LRRCC1: variants seen among roughly 807,000 people sequenced by gnomAD.
LRRCC1 encodes the protein leucine-rich repeat and coiled-coil domain-containing protein 1.
A neutral mutation model predicts 126.0 loss-of-function variants in LRRCC1; 115 were observed. The observed-to-expected ratio is 0.91, with a 90% CI of 0.78 to 1.07. LRRCC1 has a LOEUF of 1.07. Ranked by LOEUF, LRRCC1 falls within the 50% of genes least tolerant of loss-of-function variation. The pLI, the probability that LRRCC1 is intolerant of heterozygous loss-of-function variation, is 0.00. For synonymous variants in LRRCC1, 400 were observed against 393.4 expected, an observed-to-expected ratio of 1.02 and a Z score of -0.20; for missense variants, 1,172 against 1,175.7, an observed-to-expected ratio of 1.00 and a Z score of 0.05.
intron 18 of LRRCC1, 111 bp from the exon 19 acceptor site, chr8:85,145,278 C>A: frequency 1.2e-6 from 1 of 801,068 alleles, no homozygotes; most frequent in Non-Finnish European, 1.9e-6. Flanking sequence ...TTAAATACAT[C>A]ACAAATTTCA....
chr8:85,136,002 C>A (rs543659476), intron 14 of LRRCC1, 39 bp downstream of exon 14: 2 of 1,458,498 alleles, frequency 1.4e-6, no homozygotes, highest in African/African-American at 1.4e-5. Context: ...ATAGCTTATT[C>A]TTATAAATGA....
intron 12 of LRRCC1, among the ~76,000 whole-genome samples, chr8:85,133,277 G>A (rs1810618106): frequency 6.6e-6 from 1 of 152,108 alleles, no homozygotes; most frequent in Admixed American, 6.5e-5. Flanking sequence ...TCTTTGCTTG[G>A]TTTCCAGCAC....
intron 8 of LRRCC1, 138 bp from the exon 9 acceptor site, chr8:85,126,551 C>CA: frequency 2.7e-6 from 2 of 733,114 alleles, no homozygotes; most frequent in Non-Finnish European, 4.3e-6. Flanking sequence ...GAGTGAGACT[C>CA]AAAAAAATAA....
chr8:85,136,153 T>C (rs1587435658), intron 14 of LRRCC1, among the ~76,000 whole-genome samples, 190 bp downstream of exon 14: 1 of 152,316 alleles, frequency 6.6e-6, no homozygotes, highest in East Asian at 1.9e-4. Context: ...AGAAATAGTT[T>C]ATTACACCAA....
rs1810268234 is a variant in LRRCC1, at chr8:85,129,370, G to T, written c.1617G>T (p.Gln539His). The change falls in exon 10 of 19, where the codon CAG becomes CAT. Residue 539 changes from glutamine (Q) to histidine (H), a missense_variant. Coordinates refer to ENST00000360375, the MANE Select transcript of LRRCC1 (RefSeq NM_033402.5). The stretch of plus-strand genomic sequence containing the variant: ...TGGAGAGACAAAAAAGGCAGCAGCA[G>T]GCAGCACAGGTATTTCTCTATTTTA... ...EKMERQKRQQ[Q>H]AAQIRLIQEV... is the part of the protein sequence containing the mutation. 1.2e-6 allele frequency: 2 copies of T among 1,608,216 alleles called. No individual in the cohort carries two copies. Among genetic ancestry groups the T allele is most frequent in the Admixed American group, 1.7e-5 (1 of 58,804 alleles).
chr8:85,135,868 A>G lies in LRRCC1; in HGVS notation c.2234A>G (p.Lys745Arg), dbSNP rs1268581700. 1.2e-6 allele frequency: 2 copies of G among 1,607,916 alleles called. No individual in the cohort carries two copies. The highest frequency in any genetic ancestry group is 1.7e-6 in the Non-Finnish European group (2 of 1,176,598). The change falls in exon 14 of 19, where the codon AAA becomes AGA. Residue 745 changes from lysine to arginine, a missense_variant. Physicochemically the swap from Lys to Arg is conservative, Grantham distance 26 (BLOSUM62 2). Coordinates refer to ENST00000360375, the MANE Select transcript of LRRCC1 (RefSeq NM_033402.5). ...CAAATAGAACTTCTCAAGCACGAAA[A>G]AGTCCAGCTTATTTCTGAGCTAGCA... ...SIQIELLKHEKVQLISELAAK... is the reference protein window; with the variant it reads ...SIQIELLKHERVQLISELAAK...
intron 6 of LRRCC1, among the ~76,000 whole-genome samples, chr8:85,122,787 G>A (rs528492456): frequency 1.3e-5 from 2 of 152,302 alleles, no homozygotes; most frequent in South Asian, 4.1e-4. Flanking sequence ...AGTACGTCCT[G>A]GACATTGTGA....
chr8:85,133,486 T>C (rs544759163), intron 12 of LRRCC1, among the ~76,000 whole-genome samples: 19 of 152,316 alleles, frequency 1.2e-4, no homozygotes, highest in African/African-American at 4.6e-4. Context: ...TGCAAGAATT[T>C]TAAACTTCTA....
rs1201646068 is a variant in LRRCC1, at chr8:85,109,731, G to A, written c.241G>A (p.Glu81Lys). 1 of 1,603,844 alleles carries A rather than the reference G, an allele frequency of 6.2e-7. No individual in the cohort carries two copies. Among genetic ancestry groups the A allele is most frequent in the Non-Finnish European group, 8.5e-7 (1 of 1,171,562 alleles). ...GTCATCTAATCAAATAAGTAGAATT[G>A]AAGGACTAAACACACTGACAAAACT... ...DLSSNQISRI[E>K]GLNTLTKLCT... Residue 81 changes from glutamate (E) to lysine (K), a missense_variant, in exon 2 of 19, where the codon GAA (glutamate) becomes AAA (lysine). Coordinates refer to ENST00000360375, the MANE Select transcript of LRRCC1 (RefSeq NM_033402.5).
rs1360098624 is a variant in LRRCC1 at position 85,144,448 on chromosome 8, A to G, written c.2977-941A>G. Among the ~76,000 whole-genome samples, 82 of 108,794 alleles carry G rather than the reference A, an allele frequency of 7.5e-4. 1 individual carries two copies. The highest frequency in any genetic ancestry group is 4.8e-3 in the Middle Eastern group (1 of 208). The allele number at this position is 108,794 out of a possible 152,430, so 71.4% of individuals were successfully genotyped here. A position where few individuals can be genotyped will look rare whatever the true frequency, so the allele number is the denominator to read the frequency against. On this transcript the variant is annotated intron_variant, in intron 18 of 18. Transcript: ENST00000360375. Reference sequence around the variant, plus strand: ...TGTGTATGTGTGTGTGTGTGTGTATATATATATATATATATATATATATAT... The same window carrying G: ...TGTGTATGTGTGTGTGTGTGTGTATGTATATATATATATATATATATATAT...
Position 85,141,489 on chromosome 8 carries a change from A to C in LRRCC1, c.2948A>C (p.Gln983Pro). The change falls in exon 18 of 19, where the codon CAG (glutamine) becomes CCG (proline). Residue 983 changes from glutamine (Q) to proline (P), a missense_variant. Physicochemically the swap from Gln to Pro is moderately conservative, Grantham distance 76. Coordinates refer to ENST00000360375, the MANE Select transcript of LRRCC1 (RefSeq NM_033402.5). Reference sequence around the variant, plus strand: ...ATAGCACAGCTGGCCAATGAAAAGCAGAAGTGTATTGATTCTGCAAATTTA... The same window carrying C: ...ATAGCACAGCTGGCCAATGAAAAGCCGAAGTGTATTGATTCTGCAAATTTA... ...AEIAQLANEKQKCIDSANLKV... is the reference protein window; with the variant it reads ...AEIAQLANEKPKCIDSANLKV... 1 of 1,612,080 alleles carries C rather than the reference A, an allele frequency of 6.2e-7. No homozygotes were observed. Among genetic ancestry groups the C allele is most frequent in the Non-Finnish European group, 8.5e-7 (1 of 1,178,742 alleles).
At chr8:85,107,514 T>G in intron 1 of LRRCC1, 115 bp downstream of exon 1, 1 of 886,714 alleles carries the variant, frequency 1.1e-6, no homozygotes, top group Non-Finnish European at 1.7e-6. Flanking sequence ...AGACCATAAG[T>G]GAACGCAGTC....
Position 85,129,015 on chromosome 8 carries a change from A to C in LRRCC1, c.1422-160A>C, listed in dbSNP as rs556368808. ...TTTCTCTGTGGCTTTCCCTGCCCCT[A>C]CCCATATACAGTCTAGCACGCTTTC... On this transcript the variant is annotated intron_variant, in intron 9 of 18. Coordinates refer to ENST00000360375, the MANE Select transcript of LRRCC1 (RefSeq NM_033402.5). Among the ~76,000 whole-genome samples the C allele has an allele frequency of 3.9e-5, 6 of 152,172 alleles. No individual in the cohort carries two copies. The South Asian group carries it at 1.2e-3, about 32-fold the overall frequency.
At chr8:85,133,256 T>C (rs1810615121) in intron 12 of LRRCC1, among the ~76,000 whole-genome samples, 1 of 152,188 alleles carries the variant, frequency 6.6e-6, no homozygotes, top group Admixed American at 6.5e-5. Context: ...TTTCTCCTCT[T>C]CCATACTCTT....
intron 15 of LRRCC1, 93 bp from the exon 16 acceptor site, chr8:85,137,942 T>A: frequency 1.5e-6 from 1 of 665,066 alleles, no homozygotes; most frequent in Non-Finnish European, 2.5e-6. Flanking sequence ...GTTTAAAATA[T>A]TATTTTAAAG....
At chr8:85,139,787 A>G (rs895402590) in intron 17 of LRRCC1, among the ~76,000 whole-genome samples, 3 of 152,226 alleles carry the variant, frequency 2.0e-5, no homozygotes, top group Non-Finnish European at 2.9e-5. Context: ...ATGGCTATCT[A>G]TGGATAGCCC....
intron 6 of LRRCC1, among the ~76,000 whole-genome samples, chr8:85,122,353 TC>T (rs1809624505): frequency 6.6e-6 from 1 of 152,216 alleles, no homozygotes; most frequent in South Asian, 2.1e-4. Flanking sequence ...TTCTCTCTTC[TC>T]TTTTTCAGAT....
Position 85,126,588 on chromosome 8 carries a change from G to C in LRRCC1, c.1273-101G>C, listed in dbSNP as rs890467719. On this transcript the variant is annotated intron_variant, in intron 8 of 18. Transcript: ENST00000360375. ...ATAAAAAGTTTCACTGTAGCTCTTT[G>C]AAGTAGGTACTATTATTCCCCTGTT... 5 of 947,438 alleles carry C rather than the reference G, an allele frequency of 5.3e-6. No homozygotes were observed. The African/African-American group carries it at 6.6e-5, about 13-fold the overall frequency. 58.7% of individuals were successfully genotyped at this position (947,438 alleles called of 1,614,324 possible).
chr8:85,145,375 A>G lies in LRRCC1; in HGVS notation c.2977-14A>G, dbSNP rs375709345. 86 of 1,448,926 alleles carry G rather than the reference A, an allele frequency of 5.9e-5. No individual in the cohort carries two copies. Among genetic ancestry groups the G allele is most frequent in the Non-Finnish European group, 7.7e-5 (84 of 1,095,336 alleles). 89.8% of individuals were successfully genotyped at this position (1,448,926 alleles called of 1,614,324 possible). ...TTTAAGAAATTAAAATGTAAAATTTACATGTCGATTTAGGTCCATCAAATT... is the reference window on the plus strand; with the variant it reads ...TTTAAGAAATTAAAATGTAAAATTTGCATGTCGATTTAGGTCCATCAAATT... On this transcript the variant is annotated splice_polypyrimidine_tract_variant and intron_variant, in intron 18 of 18. Coordinates refer to ENST00000360375, the MANE Select transcript of LRRCC1 (RefSeq NM_033402.5).
Sources: gnomAD v4.1 joint callset for allele counts (sites outside exome capture counted in the v4.1 genomes callset) on GRCh38, gnomAD v4.1.1 for gene constraint, MANE v1.5 for transcripts, NCBI Gene and HGNC (gene_info 2026-07-23, HGNC 2026-07-21) for gene names.